The following TBX21 variants were observed in gnomAD, a reference collection of about 807,000 sequenced individuals.
TBX21 encodes the protein T-box transcription factor TBX21.
In TBX21, 11 loss-of-function variants were observed where a neutral mutation model predicts 52.2. That is an observed-to-expected ratio of 0.21 (90% CI 0.13 to 0.35). TBX21 has a LOEUF of 0.35. Among genes scored for constraint, TBX21 ranks in the 10% least tolerant of loss-of-function variants. The pLI, the probability that TBX21 is intolerant of heterozygous loss-of-function variation, is 1.00. For synonymous variants in TBX21, 300 were observed against 316.1 expected (o/e 0.95, Z 0.54); for missense variants, 625 against 755.1 (o/e 0.83, Z 2.02).
rs1597981047 is a variant in TBX21 at position 47,733,510 on chromosome 17, C to G, written c.56C>G (p.Pro19Arg). The change falls in exon 1 of 6, where the codon CCG becomes CGG. Residue 19 changes from proline to arginine, a missense_variant. By Grantham distance (103) the Pro-to-Arg change is moderately radical. This residue lies in a region of TBX21 where 221 missense variants were observed against 204.9 expected (regional missense o/e 1.08). Transcript: ENST00000177694. The surrounding 1 kb of genome is among the most constrained non-coding windows in gnomAD (Gnocchi z 6.6). ...GDMLTGTEPM[P>R]GSDEGRAPGA... ...ATGCTGACGGGCACCGAGCCGATGCCGGGGAGCGACGAGGGCCGGGCGCCT... is the reference window on the plus strand; with the variant it reads ...ATGCTGACGGGCACCGAGCCGATGCGGGGGAGCGACGAGGGCCGGGCGCCT... The G allele has an allele frequency of 6.7e-7, 1 of 1,494,264 alleles. No individual in the cohort carries two copies. Among genetic ancestry groups the G allele is most frequent in the Non-Finnish European group, 8.9e-7 (1 of 1,127,862 alleles). The allele number at this position is 1,494,264 out of a possible 1,614,324, so 92.6% of individuals were successfully genotyped here.
At position 47,733,489 on chromosome 17, in the gene TBX21, T is replaced by C. The variant is rs2143416612; in HGVS notation, c.35T>C (p.Leu12Pro). 1 of 1,493,644 alleles carries C rather than the reference T, an allele frequency of 6.7e-7. No homozygotes were observed. Among genetic ancestry groups the C allele is most frequent in the Non-Finnish European group, 8.9e-7 (1 of 1,127,670 alleles). The allele number at this position is 1,493,644 out of a possible 1,614,324, so 92.5% of individuals were successfully genotyped here. A position where few individuals can be genotyped will look rare whatever the true frequency, so the allele number is the denominator to read the frequency against. The change falls in exon 1 of 6, where the codon CTG (leucine) becomes CCG (proline). Residue 12 changes from leucine (L) to proline (P), a missense_variant. Physicochemically the swap from Leu to Pro is moderately conservative, Grantham distance 98. Around this residue, in one of 4 missense-constraint regions of TBX21, gnomAD observed 221 missense variants for 204.9 expected, o/e 1.08. Transcript: ENST00000177694. This position sits in a 1 kb window ranked among gnomAD's most constrained non-coding sequence, Gnocchi z 6.6. ...GIVEPGCGDMLTGTEPMPGSD... is the reference protein window; with the variant it reads ...GIVEPGCGDMPTGTEPMPGSD... ...GTGGAGCCGGGTTGCGGAGACATGC[T>C]GACGGGCACCGAGCCGATGCCGGGG... is the stretch of plus-strand genomic sequence containing the variant.
chr17:47,736,674 C>T (rs2032210150), intron 1 of TBX21, among the ~76,000 whole-genome samples: 1 of 152,114 alleles, frequency 6.6e-6, no homozygotes, highest in Non-Finnish European at 1.5e-5. Flanking sequence ...CCCAGGTTAC[C>T]TCCATACCTT....
At chr17:47,741,246 C>G (rs570171324) in intron 1 of TBX21, among the ~76,000 whole-genome samples, 2 of 150,348 alleles carry the variant, frequency 1.3e-5, no homozygotes, top group East Asian at 3.9e-4. Flanking sequence ...TCGTGGTTAT[C>G]GTGATGGTGG....
At chr17:47,743,940 G>C (rs1054212217) in intron 3 of TBX21, among the ~76,000 whole-genome samples, 1 of 151,870 alleles carries the variant, frequency 6.6e-6, no homozygotes, top group African/African-American at 2.4e-5. Context: ...CTAAAGCCCT[G>C]TTTGTGCTGA....
At position 47,733,606 on chromosome 17, in the gene TBX21, G is replaced by T; in HGVS notation, c.152G>T (p.Gly51Val). 12 of 1,451,254 alleles carry T rather than the reference G, an allele frequency of 8.3e-6. No individual in the cohort carries two copies. Among genetic ancestry groups the T allele is most frequent in the Non-Finnish European group, 1.1e-5 (12 of 1,109,972 alleles). The allele number at this position is 1,451,254 out of a possible 1,614,324, so 89.9% of individuals were successfully genotyped here. Residue 51 changes from glycine to valine, a missense_variant, in exon 1 of 6, where the codon GGC becomes GTC. By Grantham distance (109) the Gly-to-Val change is moderately radical. Around this residue, in one of 4 missense-constraint regions of TBX21, gnomAD observed 221 missense variants for 204.9 expected, o/e 1.08. Transcript: ENST00000177694. This position sits in a 1 kb window ranked among gnomAD's most constrained non-coding sequence, Gnocchi z 6.6. ...GAQDADERRG[G>V]GSLGSPYPGG... ...CAGGACGCGGACGAGCGTCGCGGGGGCGGCAGCCTGGGGTCTCCCTACCCG... is the reference window on the plus strand; with the variant it reads ...CAGGACGCGGACGAGCGTCGCGGGGTCGGCAGCCTGGGGTCTCCCTACCCG...
At position 47,745,104 on chromosome 17, in the gene TBX21, G is replaced by T. The variant is rs200345177; in HGVS notation, c.1346G>T (p.Arg449Leu). Residue 449 changes from arginine (R) to leucine (L), a missense_variant, in exon 6 of 6, where the codon CGC becomes CTC. This residue lies in a region of TBX21 where 261 missense variants were observed against 275.1 expected (regional missense o/e 0.95). Coordinates refer to ENST00000177694, the MANE Select transcript of TBX21 (RefSeq NM_013351.2). ...PPKMGPASWFRPMRTLPMEPG... is the reference protein window; with the variant it reads ...PPKMGPASWFLPMRTLPMEPG... ...AAGATGGGCCCGGCCAGCTGGTTCC[G>T]CCCTATGCGGACTCTGCCCATGGAA... The T allele has an allele frequency of 1.2e-6, 2 of 1,613,892 alleles. No individual in the cohort carries two copies. Among genetic ancestry groups the T allele is most frequent in the Middle Eastern group, 1.6e-4 (1 of 6,062 alleles).
At position 47,745,523 on chromosome 17, in the gene TBX21, G is replaced by T. The variant is rs2032324438; in HGVS notation, c.*157G>T. On this transcript the variant is annotated 3_prime_UTR_variant, in exon 6 of 6. Coordinates refer to ENST00000177694, the MANE Select transcript of TBX21 (RefSeq NM_013351.2). Reference sequence around the variant, plus strand: ...GAAGTGGGGCTCAAGAAGGATTTTGGGGTTCACCAGATGCTTCCTGGCCCA... The same window carrying T: ...GAAGTGGGGCTCAAGAAGGATTTTGTGGTTCACCAGATGCTTCCTGGCCCA... The T allele has an allele frequency of 9.3e-7, 1 of 1,070,768 alleles. No homozygotes were observed. Among genetic ancestry groups the T allele is most frequent in the Non-Finnish European group, 1.3e-6 (1 of 769,552 alleles). 66.3% of individuals were successfully genotyped at this position (1,070,768 alleles called of 1,614,324 possible). A position where few individuals can be genotyped will look rare whatever the true frequency, so the allele number is the denominator to read the frequency against.
At position 47,744,468 on chromosome 17, in the gene TBX21, T is replaced by C; in HGVS notation, c.928-14T>C. Reference sequence around the variant, plus strand: ...GACTCAGGACTCAGGTGACTCTATTTCCCTTCTCTCTAGATTACTCAGCTG... The same window carrying C: ...GACTCAGGACTCAGGTGACTCTATTCCCCTTCTCTCTAGATTACTCAGCTG... On this transcript the variant is annotated splice_polypyrimidine_tract_variant and intron_variant, in intron 4 of 5. Coordinates refer to ENST00000177694, the MANE Select transcript of TBX21 (RefSeq NM_013351.2). 1 of 1,614,136 alleles carries C rather than the reference T, an allele frequency of 6.2e-7. No homozygotes were observed. The highest frequency in any genetic ancestry group is 8.5e-7 in the Non-Finnish European group (1 of 1,180,016).
intron 1 of TBX21, among the ~76,000 whole-genome samples, chr17:47,741,761 C>A (rs1206056533): frequency 1.3e-5 from 2 of 151,928 alleles, no homozygotes; most frequent in Non-Finnish European, 2.9e-5. Flanking sequence ...GGTGGTGCCC[C>A]CTCCTAGGAA....
chr17:47,738,385 T>C (rs1259812165), intron 1 of TBX21, among the ~76,000 whole-genome samples: 2 of 151,996 alleles, frequency 1.3e-5, no homozygotes, highest in East Asian at 3.9e-4. Context: ...AGCTTTGCTT[T>C]TTGTCTGGCT....
chr17:47,743,275 G>A, intron 3 of TBX21, 83 bp downstream of exon 3: 2 of 1,538,414 alleles, frequency 1.3e-6, no homozygotes, highest in South Asian at 1.2e-5. Context: ...GGTCCTGCGG[G>A]GCCAGTTTGG....
chr17:47,741,994 G>C (rs182236927), intron 1 of TBX21, among the ~76,000 whole-genome samples: 8 of 152,176 alleles, frequency 5.3e-5, no homozygotes, highest in Admixed American at 4.6e-4. Context: ...AGCTGCGATA[G>C]ACGGAAGTAA....
In TBX21 at chr17:47,733,275, C is replaced by A. The variant is rs1016587593; in HGVS notation, c.-180C>A. 1.2e-6 allele frequency: 1 copy of A among 833,656 alleles called. No individual in the cohort carries two copies. Among genetic ancestry groups the A allele is most frequent in the African/African-American group, 1.8e-5 (1 of 55,122 alleles). The allele number at this position is 833,656 out of a possible 1,614,324, so 51.6% of individuals were successfully genotyped here. On this transcript the variant is annotated 5_prime_UTR_variant, in exon 1 of 6. Coordinates refer to ENST00000177694, the MANE Select transcript of TBX21 (RefSeq NM_013351.2). The surrounding 1 kb of genome is among the most constrained non-coding windows in gnomAD (Gnocchi z 6.6). ...GCTGGAGAGGAAGCCCGAGAGCTGC[C>A]GCGCGCCTGCCGGACGAGGGCGTAG...
rs2032314822 is a variant in TBX21, at chr17:47,745,070, T to C, written c.1312T>C (p.Tyr438His). The change falls in exon 6 of 6, where the codon TAC becomes CAC. Residue 438 changes from tyrosine (Y) to histidine (H), a missense_variant. Physicochemically the swap from Tyr to His is moderately conservative, Grantham distance 83 (BLOSUM62 2). This residue lies in a region of TBX21 where 261 missense variants were observed against 275.1 expected (regional missense o/e 0.95). Transcript: ENST00000177694. ...AGCTGGCTGGCCTGTGGCACCCCAG[T>C]ACCCTCCCAAGATGGGCCCGGCCAG... ...PGAGWPVAPQ[Y>H]PPKMGPASWF... is the part of the protein sequence containing the mutation. The C allele has an allele frequency of 6.2e-7, 1 of 1,613,270 alleles. No individual in the cohort carries two copies. Among genetic ancestry groups the C allele is most frequent in the Non-Finnish European group, 8.5e-7 (1 of 1,180,026 alleles).
In TBX21 at chr17:47,745,168, C is replaced by T; in HGVS notation, c.1410C>T (p.Asp470=). 6.2e-7 allele frequency: 1 copy of T among 1,614,156 alleles called. No individual in the cohort carries two copies. Among genetic ancestry groups the T allele is most frequent in the Middle Eastern group, 1.6e-4 (1 of 6,062 alleles). Residue 470 remains aspartate, a synonymous_variant, in exon 6 of 6, where the codon GAC becomes GAT. Coordinates refer to ENST00000177694, the MANE Select transcript of TBX21 (RefSeq NM_013351.2). ...GCTCAGAGGGACGGGGACCAGAGGA[C>T]CAGGGTCCCCCCTTGGTGTGGACTG... ...PGGSEGRGPE[D]QGPPLVWTEI...
intron 1 of TBX21, among the ~76,000 whole-genome samples, chr17:47,734,554 GGTGTGTGTGT>G (rs55690005): frequency 0.031 from 3,146 of 102,992 alleles, 39 homozygotes; most frequent in East Asian, 0.073. Flanking sequence ...TCATATGTCT[GGTGTGTGTGT>G]GTGTGTGTGT....
chr17:47,740,003 G>T (rs142951534), intron 1 of TBX21, among the ~76,000 whole-genome samples: 3 of 152,204 alleles, frequency 2.0e-5, no homozygotes, highest in African/African-American at 7.2e-5. Flanking sequence ...CTCCCACCGA[G>T]GACCGTCACC....
chr17:47,736,468 A>ATG (rs143206521), intron 1 of TBX21, among the ~76,000 whole-genome samples: 16 of 151,636 alleles, frequency 1.1e-4, no homozygotes, highest in South Asian at 2.1e-4. Flanking sequence ...TGCTTCATAA[A>ATG]TGTGTGTGTG....
At position 47,733,413 on chromosome 17, in the gene TBX21, G is replaced by A; in HGVS notation, c.-42G>A. 1.4e-6 allele frequency: 2 copies of A among 1,446,484 alleles called. No individual in the cohort carries two copies. Among genetic ancestry groups the A allele is most frequent in the South Asian group, 1.3e-5 (1 of 74,140 alleles). The allele number at this position is 1,446,484 out of a possible 1,614,324, so 89.6% of individuals were successfully genotyped here. ...ACGCGACCCTCTCGCGCGCGGAGGG[G>A]CGGGTCCTCGACGGCTACGGGAAGG... On this transcript the variant is annotated 5_prime_UTR_variant, in exon 1 of 6. Transcript: ENST00000177694. This position sits in a 1 kb window ranked among gnomAD's most constrained non-coding sequence, Gnocchi z 6.6.
Sources: allele counts gnomAD v4.1 joint callset (sites outside exome capture counted in the v4.1 genomes callset), GRCh38; gene constraint gnomAD v4.1.1; regional missense constraint gnomAD v4.1.1; non-coding constraint Gnocchi (gnomAD v3.1); transcripts MANE v1.5; gene names NCBI Gene and HGNC (gene_info 2026-07-23, HGNC 2026-07-21).